Variants in SNTB1 observed in about 807,000 individuals in gnomAD.
SNTB1 encodes the protein beta-1-syntrophin.
In SNTB1, 36 loss-of-function variants were observed where a neutral mutation model predicts 48.9. The ratio of observed to expected loss-of-function variants is 0.74; its 90% CI spans 0.56 to 0.97. SNTB1 has a LOEUF of 0.97. SNTB1 is among the 50% of genes least tolerant of loss of function. SNTB1 has a pLI of 0.00. For missense variants in SNTB1, 786 were observed against 703.4 expected, an observed-to-expected ratio of 1.12 and a Z score of -1.33; for synonymous variants, 299 against 294.6, an observed-to-expected ratio of 1.01 and a Z score of -0.15.
At chr8:120,687,496 G>T (rs1043692317) in intron 2 of SNTB1, among the ~76,000 whole-genome samples, 1 of 152,112 alleles carries the variant, frequency 6.6e-6, no homozygotes, top group Non-Finnish European at 1.5e-5. Context: ...TTACATAAGG[G>T]TTACCTCGGC....
chr8:120,791,881 T>C (rs1387204072), intron 1 of SNTB1, among the ~76,000 whole-genome samples: 2 of 151,956 alleles, frequency 1.3e-5, no homozygotes, highest in African/African-American at 2.4e-5. Flanking sequence ...TACACCTCTA[T>C]GGAAAATGGT....
intron 1 of SNTB1, among the ~76,000 whole-genome samples, chr8:120,729,217 C>T (rs1818812654): frequency 6.6e-6 from 1 of 152,196 alleles, no homozygotes; most frequent in Non-Finnish European, 1.5e-5. Flanking sequence ...CTCCTGGTCT[C>T]AAGTGATCCG....
intron 2 of SNTB1, among the ~76,000 whole-genome samples, chr8:120,692,889 G>T (rs993967944): frequency 6.6e-6 from 1 of 152,144 alleles, no homozygotes; most frequent in Non-Finnish European, 1.5e-5. Flanking sequence ...ATGGTGCATT[G>T]ATTTATTTTG....
At chr8:120,789,750 G>C (rs1819991908) in intron 1 of SNTB1, among the ~76,000 whole-genome samples, 1 of 151,634 alleles carries the variant, frequency 6.6e-6, no homozygotes, top group African/African-American at 2.4e-5. Flanking sequence ...TTTTAAAAAA[G>C]CTGCCAACAA....
intron 2 of SNTB1, among the ~76,000 whole-genome samples, chr8:120,643,900 C>T (rs1396903555): frequency 6.6e-6 from 1 of 152,106 alleles, no homozygotes; most frequent in East Asian, 1.9e-4. Context: ...ACCATGAGTT[C>T]TGGTTTATTC....
intron 1 of SNTB1, among the ~76,000 whole-genome samples, chr8:120,783,363 T>C (rs1587159584): frequency 2.0e-5 from 3 of 152,122 alleles, no homozygotes; most frequent in Non-Finnish European, 4.4e-5. Flanking sequence ...ATGCATTGTT[T>C]AAAATGAAAG....
chr8:120,721,537 C>G (rs762532419), intron 1 of SNTB1, among the ~76,000 whole-genome samples: 2 of 152,136 alleles, frequency 1.3e-5, no homozygotes, highest in African/African-American at 4.8e-5. Context: ...GTTGAATGAG[C>G]CTTACTACTC....
In SNTB1 at chr8:120,625,372, C is replaced by G. The variant is rs373863946; in HGVS notation, c.996+7072G>C. The stretch of plus-strand genomic sequence containing the variant: ...ACAAGAAATAAAATGTACACACCCC[C>G]CTGTCTTACATGGGCAGCTCTGATG... On this transcript the variant is annotated intron_variant, in intron 3 of 6. Transcript: ENST00000517992. 1.5e-4 allele frequency among the ~76,000 whole-genome samples: 23 copies of G among 152,312 alleles called. No homozygotes were observed. In the East Asian group the frequency reaches 2.9e-3, roughly 19 times the overall value.
intron 1 of SNTB1, among the ~76,000 whole-genome samples, chr8:120,740,331 A>C (rs185788842): frequency 6.6e-6 from 1 of 152,336 alleles, no homozygotes; most frequent in African/African-American, 2.4e-5. Flanking sequence ...CTAGAGTATG[A>C]TCTCTCAGAA....
At chr8:120,725,230 A>G (rs1001207585) in intron 1 of SNTB1, among the ~76,000 whole-genome samples, 1 of 152,134 alleles carries the variant, frequency 6.6e-6, no homozygotes, top group African/African-American at 2.4e-5. Context: ...GGGGGGCATC[A>G]TTATTCTAAG....
At chr8:120,676,036 A>G (rs1348866519) in intron 2 of SNTB1, among the ~76,000 whole-genome samples, 1 of 152,232 alleles carries the variant, frequency 6.6e-6, no homozygotes, top group African/African-American at 2.4e-5. Context: ...TCTGACTGTG[A>G]TAACACTTGC....
At chr8:120,634,936 C>A in intron 2 of SNTB1, among the ~76,000 whole-genome samples, 1 of 151,214 alleles carries the variant, frequency 6.6e-6, no homozygotes, top group Non-Finnish European at 1.5e-5. Context: ...ACTGCAAGCT[C>A]CGCCTCCCAG....
intron 2 of SNTB1, among the ~76,000 whole-genome samples, chr8:120,678,605 A>T (rs1817878914): frequency 6.6e-6 from 1 of 152,214 alleles, no homozygotes; most frequent in Admixed American, 6.5e-5. Flanking sequence ...ACTTTTATTA[A>T]ACAGGAAGCT....
chr8:120,718,656 G>C (rs146267821), intron 1 of SNTB1, among the ~76,000 whole-genome samples: 2 of 152,150 alleles, frequency 1.3e-5, no homozygotes, highest in Non-Finnish European at 2.9e-5. Context: ...TTCCGGAAGG[G>C]GAAGGGAAAT....
intron 1 of SNTB1, among the ~76,000 whole-genome samples, chr8:120,723,640 G>C (rs1818706413): frequency 6.6e-6 from 1 of 152,158 alleles, no homozygotes; most frequent in South Asian, 2.1e-4. Context: ...TAGGTGCACT[G>C]GTTCAGATAG....
At chr8:120,800,969 G>T (rs1388403925) in intron 1 of SNTB1, among the ~76,000 whole-genome samples, 1 of 151,942 alleles carries the variant, frequency 6.6e-6, no homozygotes, top group Non-Finnish European at 1.5e-5. Context: ...TAGAATATAT[G>T]TTTTAATATT....
chr8:120,542,785 G>A (rs1002191196), intron 5 of SNTB1, among the ~76,000 whole-genome samples: 1 of 151,702 alleles, frequency 6.6e-6, no homozygotes, highest in African/African-American at 2.4e-5. Context: ...ATACACCCAT[G>A]ACATCAAAAT....
chr8:120,558,887 T>G (rs1815609716), intron 4 of SNTB1, among the ~76,000 whole-genome samples: 1 of 152,222 alleles, frequency 6.6e-6, no homozygotes, highest in Non-Finnish European at 1.5e-5. Flanking sequence ...GGTAGAAATT[T>G]TTATTTGATT....
intron 1 of SNTB1, among the ~76,000 whole-genome samples, chr8:120,791,239 T>C (rs141975339): frequency 6.6e-5 from 10 of 151,918 alleles, no homozygotes; most frequent in East Asian, 3.9e-4. Context: ...GAAAATTGAA[T>C]GGCCACATGT....
Sources: allele counts gnomAD v4.1 joint callset (sites outside exome capture counted in the v4.1 genomes callset), GRCh38; gene constraint gnomAD v4.1.1; transcripts MANE v1.5; gene names NCBI Gene and HGNC (gene_info 2026-07-23, HGNC 2026-07-21).